DPH6: variants seen among roughly 807,000 people sequenced by gnomAD.
DPH6 encodes diphthine--ammonia ligase.
A neutral mutation model predicts 38.2 loss-of-function variants in DPH6; 33 were observed. That is an observed-to-expected ratio of 0.86 (90% CI 0.65 to 1.15). The LOEUF (loss-of-function observed/expected upper bound fraction) is 1.15. DPH6 is among the 50% of genes most tolerant of loss of function. The pLI is 0.00. For synonymous variants in DPH6, 108 were observed against 103.0 expected, an observed-to-expected ratio of 1.05 and a Z score of -0.30; for missense variants, 325 against 320.0, an observed-to-expected ratio of 1.02 and a Z score of -0.12.
intron 3 of DPH6, among the ~76,000 whole-genome samples, chr15:35,299,944 C>T (rs529493564): frequency 3.3e-5 from 5 of 152,244 alleles, no homozygotes; most frequent in Non-Finnish European, 5.9e-5. Context: ...CAAAATATCA[C>T]CCTGGCTGGA....
At chr15:35,441,025 C>T (rs2053780703) in intron 5 of DPH6, among the ~76,000 whole-genome samples, 1 of 152,122 alleles carries the variant, frequency 6.6e-6, no homozygotes, top group Non-Finnish European at 1.5e-5. Flanking sequence ...CAAAAGAAGA[C>T]ATTTATGCAG....
intron 4 of DPH6, among the ~76,000 whole-genome samples, chr15:35,452,457 G>C (rs1595377992): frequency 6.7e-6 from 1 of 148,736 alleles, no homozygotes; most frequent in Admixed American, 6.8e-5. Context: ...CTGTAAGGCT[G>C]CTTGGCCGAC....
At chr15:35,213,963 T>G (rs112498979), downstream of DPH6, among the ~76,000 whole-genome samples, 738 of 152,150 alleles carry the variant, frequency 4.9e-3, 5 homozygotes, top group Admixed American at 0.012. Context: ...ATACAAAAAA[T>G]TAGCCAGACG....
intron 6 of DPH6, among the ~76,000 whole-genome samples, chr15:35,397,857 A>ATT (rs1305984469): frequency 3.6e-5 from 3 of 82,602 alleles, no homozygotes; most frequent in African/African-American, 8.1e-5. Context: ...GATGGAATCA[A>ATT]TTTATATATA....
At chr15:35,146,069 CTGTGTGTGTGTGTGTG>C in the DPH6 span, among the ~76,000 whole-genome samples, 36 of 147,190 alleles carry the variant, frequency 2.4e-4, no homozygotes, top group East Asian at 1.4e-3. Context: ...CTTATAGTTT[CTGTGTGTGTGTGTGTG>C]TGTGTGTGTG....
At chr15:35,526,355 G>T (rs1195656491) in intron 3 of DPH6, among the ~76,000 whole-genome samples, 3 of 152,116 alleles carry the variant, frequency 2.0e-5, no homozygotes, top group Non-Finnish European at 4.4e-5. Flanking sequence ...TGCCTTTTCT[G>T]ATTGTCAATG....
chr15:35,314,114 A>G (rs1170984346), intron 3 of DPH6, among the ~76,000 whole-genome samples: 1 of 151,568 alleles, frequency 6.6e-6, no homozygotes, highest in African/African-American at 2.4e-5. Flanking sequence ...AAAAAAAAAG[A>G]AAATTAAAAA....
chr15:35,384,305 T>A (rs1203034231), intron 6 of DPH6, among the ~76,000 whole-genome samples: 5 of 152,224 alleles, frequency 3.3e-5, no homozygotes. Context: ...TTTTCATAAT[T>A]TAAGTAAACA....
chr15:35,171,496 CTT>C, the DPH6 span, among the ~76,000 whole-genome samples: 1 of 152,104 alleles, frequency 6.6e-6, no homozygotes, highest in Non-Finnish European at 1.5e-5. Context: ...TTAATTAGCT[CTT>C]AATTAATAAT....
downstream of DPH6, among the ~76,000 whole-genome samples, chr15:35,367,669 A>C (rs2052672554): frequency 6.6e-6 from 1 of 151,786 alleles, no homozygotes; most frequent in South Asian, 2.1e-4. Flanking sequence ...TCATTTTTAC[A>C]TTCATATAAA....
the DPH6 span, among the ~76,000 whole-genome samples, chr15:35,193,554 T>C: frequency 1.3e-5 from 2 of 152,146 alleles, no homozygotes; most frequent in African/African-American, 4.8e-5. Flanking sequence ...ATAAAGGTAG[T>C]TGCATAGAAA....
intron 3 of DPH6, among the ~76,000 whole-genome samples, chr15:35,341,311 T>C (rs1375807171): frequency 2.6e-5 from 4 of 151,932 alleles, no homozygotes; most frequent in Non-Finnish European, 4.4e-5. Context: ...AAAGAATATT[T>C]CATGCTCTTT....
chr15:35,209,933 T>A, the DPH6 span, among the ~76,000 whole-genome samples: 1 of 152,202 alleles, frequency 6.6e-6, no homozygotes, highest in Non-Finnish European at 1.5e-5. Flanking sequence ...TACCTTTTAA[T>A]GGGTCTTTAA....
In DPH6 at chr15:35,317,537, A is replaced by C. The variant is rs111739010; in HGVS notation, n.200+55984T>G. Among the ~76,000 whole-genome samples the C allele has an allele frequency of 3.8e-3, 582 of 151,348 alleles. 4 individuals carry two copies. The highest frequency in any genetic ancestry group is 0.013 in the African/African-American group (548 of 41,222). On this transcript the variant is annotated intron_variant and non_coding_transcript_variant, in intron 3 of 3. Transcript: ENST00000560386. ...TTCCAGACTAACAAAAGCATGTAAA[A>C]TTTTCACCAGCATATTCTCACTAAA...
chr15:35,299,544 CCGCTGAGTCCGCGGGG>C (rs2052040529), intron 3 of DPH6: 1 of 542,870 alleles, frequency 1.8e-6, no homozygotes, highest in African/African-American at 2.0e-5. Context: ...GCACCACCCT[CCGCTGAGTCCGCGGGG>C]CGCTGGGCGG....
At chr15:35,425,649 TAA>T (rs2053559214) in intron 5 of DPH6, among the ~76,000 whole-genome samples, 1 of 143,696 alleles carries the variant, frequency 7.0e-6, no homozygotes, top group East Asian at 2.0e-4. Flanking sequence ...TATCCATATA[TAA>T]GATATATATG....
chr15:35,388,576 G>A (rs939804750), intron 6 of DPH6, among the ~76,000 whole-genome samples: 5 of 152,188 alleles, frequency 3.3e-5, no homozygotes, highest in African/African-American at 1.2e-4. Flanking sequence ...TTGGAAGAGT[G>A]TATGTGTCCA....
intron 3 of DPH6, among the ~76,000 whole-genome samples, chr15:35,345,015 A>G (rs1333810600): frequency 6.6e-6 from 1 of 151,892 alleles, no homozygotes; most frequent in Non-Finnish European, 1.5e-5. Context: ...ATGTTAAAAT[A>G]CAGAATACAA....
At chr15:35,436,816 T>C (rs890687964) in intron 5 of DPH6, among the ~76,000 whole-genome samples, 1 of 151,560 alleles carries the variant, frequency 6.6e-6, no homozygotes, top group Non-Finnish European at 1.5e-5. Context: ...GGCTTTTTTT[T>C]CTCCCCCTTT....
Sources: allele counts gnomAD v4.1 joint callset (sites outside exome capture counted in the v4.1 genomes callset), GRCh38; gene constraint gnomAD v4.1.1; transcripts MANE v1.5; gene names NCBI Gene and HGNC (gene_info 2026-07-23, HGNC 2026-07-21).